The following RABEP2 variants were observed in gnomAD, a reference collection of about 807,000 sequenced individuals.
The protein encoded by RABEP2 is rabaptin, RAB GTPase binding effector protein 2, also known as rab GTPase-binding effector protein 2.
RABEP2 carries 57 observed loss-of-function variants against 74.1 expected under a neutral mutation model. The ratio of observed to expected loss-of-function variants is 0.77; its 90% CI spans 0.62 to 0.96. The LOEUF (loss-of-function observed/expected upper bound fraction) is 0.96, where lower values mean the gene tolerates loss of function less well. Ranked by LOEUF, RABEP2 falls within the 40% of genes least tolerant of loss-of-function variation. RABEP2 has a pLI of 0.00. For synonymous variants in RABEP2, 351 were observed against 344.0 expected (o/e 1.02, Z -0.23); for missense variants, 692 against 756.3 (o/e 0.91, Z 1.00).
chr16:28,910,945 C>T lies in RABEP2; in HGVS notation c.1032G>A (p.Leu344=), dbSNP rs756012861. The change falls in exon 7 of 13, where the codon CTG becomes CTA. Residue 344 remains leucine, a synonymous_variant. Coordinates refer to ENST00000358201, the MANE Select transcript of RABEP2 (RefSeq NM_024816.3). The part of the protein sequence containing the change: ...LLAQVQNSEQ[L]LRTLQGTVSQ... ...TCACGGTCCCTTGCAGGGTCCGCAG[C>T]AGCTGCTCTGAGTTCTGGACCTGGG... 3 of 1,613,156 alleles carry T rather than the reference C, an allele frequency of 1.9e-6. No homozygotes were observed. Among genetic ancestry groups the T allele is most frequent in the Admixed American group, 1.7e-5 (1 of 59,978 alleles).
At position 28,905,344 on chromosome 16, in the gene RABEP2, G is replaced by C. The variant is rs1193903890; in HGVS notation, c.1608+53C>G. ...GGAACTGTCCTTGCAAGACCCAGGA[G>C]AGGTCACCCGGAGTGGAGCCAGCCA... On this transcript the variant is annotated intron_variant, in intron 12 of 12. Transcript: ENST00000358201. 3.9e-5 allele frequency: 51 copies of C among 1,316,596 alleles called. 1 individual carries two copies. The South Asian group carries it at 6.1e-4, about 16-fold the overall frequency. The allele number at this position is 1,316,596 out of a possible 1,614,324, so 81.6% of individuals were successfully genotyped here.
intron 3 of RABEP2, among the ~76,000 whole-genome samples, chr16:28,918,383 C>T (rs530866679): frequency 1.7e-3 from 255 of 152,194 alleles, no homozygotes; most frequent in Non-Finnish European, 3.1e-3. Context: ...GAGGCGGAGG[C>T]GGGCCGATCA....
intron 1 of RABEP2, 85 bp downstream of exon 1, chr16:28,925,018 T>G: frequency 2.1e-6 from 2 of 955,490 alleles, no homozygotes; most frequent in Non-Finnish European, 2.8e-6. Flanking sequence ...CCATCATCCC[T>G]CTCCACCCCC....
chr16:28,906,009 C>G lies in RABEP2; in HGVS notation c.1423+10G>C, dbSNP rs762922877. 17 of 1,607,688 alleles carry G rather than the reference C, an allele frequency of 1.1e-5. No homozygotes were observed. The African/African-American group carries it at 2.1e-4, about 20-fold the overall frequency. ...GGCCCGGGGCTGGGGGCTTGTGCCC[C>G]TCCCCTCACCTGTCTCCTCCCGCTG... is the stretch of plus-strand genomic sequence containing the variant. On this transcript the variant is annotated intron_variant, in intron 9 of 12. Transcript: ENST00000358201.
At chr16:28,912,538 A>G (rs999497130) in intron 5 of RABEP2, among the ~76,000 whole-genome samples, 1 of 151,394 alleles carries the variant, frequency 6.6e-6, no homozygotes, top group African/African-American at 2.4e-5. Context: ...AACCTCTCGA[A>G]GTAGCCTGGA....
At chr16:28,923,685 C>T (rs919990448) in intron 2 of RABEP2, among the ~76,000 whole-genome samples, 1 of 152,126 alleles carries the variant, frequency 6.6e-6, no homozygotes, top group East Asian at 1.9e-4. Context: ...AAAGGGAAAT[C>T]GCATGTTGGG....
rs767957624 is a variant in RABEP2 at position 28,914,788 on chromosome 16, G to A, written c.433-6C>T. ...TTCTCCGAGTCCTCGTGGGCCTGGA[G>A]GGAGCGGGGTGTGGCAGCAATAGTT... On this transcript the variant is annotated splice_region_variant and splice_polypyrimidine_tract_variant and intron_variant, in intron 3 of 12. Coordinates refer to ENST00000358201, the MANE Select transcript of RABEP2 (RefSeq NM_024816.3). The A allele has an allele frequency of 1.2e-6, 2 of 1,613,536 alleles. No homozygotes were observed. The highest frequency in any genetic ancestry group is 1.1e-5 in the South Asian group (1 of 91,044).
At chr16:28,912,782 G>A (rs957159545) in intron 5 of RABEP2, among the ~76,000 whole-genome samples, 4 of 151,994 alleles carry the variant, frequency 2.6e-5, no homozygotes, top group Non-Finnish European at 4.4e-5. Flanking sequence ...TGCTTCCCAC[G>A]TCTCCTAAGA....
chr16:28,924,739 G>A, intron 1 of RABEP2, 124 bp from the exon 2 acceptor site: 1 of 913,180 alleles, frequency 1.1e-6, no homozygotes, highest in South Asian at 1.4e-5. Context: ...GGCCCGCCCG[G>A]CTCACCTGGC....
chr16:28,912,156 G>GTA (rs1234229239), intron 5 of RABEP2, among the ~76,000 whole-genome samples: 3 of 147,426 alleles, frequency 2.0e-5, no homozygotes, highest in Non-Finnish European at 4.4e-5. Flanking sequence ...TGAGGCAGGA[G>GTA]TATGGCATGA....
rs398029150 is a variant in RABEP2 at position 28,918,061 on chromosome 16, GTTTTTTTTTTTTTT to G, written c.432+1711_432+1724del. On this transcript the variant is annotated intron_variant, in intron 3 of 12. Coordinates refer to ENST00000358201, the MANE Select transcript of RABEP2 (RefSeq NM_024816.3). ...TAATAAATATGTGCTTCCTATAATT[GTTTTTTTTTTTTTT>G]TTTTTTTTTTTTTTTGAGACGGAGT... 2.3e-4 allele frequency: 21 copies of G among 93,208 alleles called. 1 individual carries two copies. Among genetic ancestry groups the G allele is most frequent in the South Asian group, 1.1e-3 (2 of 1,896 alleles). The allele number at this position is 93,208 out of a possible 1,614,324, so 5.8% of individuals were successfully genotyped here.
At position 28,906,200 on chromosome 16, in the gene RABEP2, G is replaced by T; in HGVS notation, c.1246-4C>A. 1 of 1,580,124 alleles carries T rather than the reference G, an allele frequency of 6.3e-7. No individual in the cohort carries two copies. On this transcript the variant is annotated splice_region_variant and splice_polypyrimidine_tract_variant and intron_variant, in intron 8 of 12. Coordinates refer to ENST00000358201, the MANE Select transcript of RABEP2 (RefSeq NM_024816.3). ...AGCACAGCAGCTGCTGCAGCTCCTG[G>T]AAGGGACGGAGGAGTCACCTGCTGG...
intron 7 of RABEP2, among the ~76,000 whole-genome samples, chr16:28,909,020 T>C (rs1385001580): frequency 6.6e-6 from 1 of 150,662 alleles, no homozygotes; most frequent in African/African-American, 2.4e-5. Flanking sequence ...TATATATATA[T>C]ATACACATAC....
At chr16:28,906,759 C>T (rs1036811509) in intron 8 of RABEP2, among the ~76,000 whole-genome samples, 1 of 151,684 alleles carries the variant, frequency 6.6e-6, no homozygotes, top group Admixed American at 6.6e-5. Flanking sequence ...AACAAGACTC[C>T]ATCTCAAACA....
chr16:28,911,229 C>T (rs1362886990), intron 5 of RABEP2, 50 bp from the exon 6 acceptor site: 1 of 1,559,604 alleles, frequency 6.4e-7, no homozygotes, highest in Non-Finnish European at 8.7e-7. Context: ...CTTGGCCCCC[C>T]TCACCACACT....
At chr16:28,915,051 C>T (rs145963974) in intron 3 of RABEP2, among the ~76,000 whole-genome samples, 5,451 of 146,262 alleles carry the variant, frequency 0.037, 165 homozygotes, top group Middle Eastern at 0.057. Flanking sequence ...TTTTTTCTTT[C>T]GTCATAGAAC....
intron 3 of RABEP2, among the ~76,000 whole-genome samples, chr16:28,917,548 T>C (rs1437568732): frequency 6.6e-6 from 1 of 152,150 alleles, no homozygotes; most frequent in Non-Finnish European, 1.5e-5. Context: ...GTCTTCCGAG[T>C]AGCTGGGATT....
intron 2 of RABEP2, among the ~76,000 whole-genome samples, chr16:28,923,132 G>T (rs1321107539): frequency 6.6e-6 from 1 of 152,172 alleles, no homozygotes; most frequent in Non-Finnish European, 1.5e-5. Flanking sequence ...ACCTGGCCAG[G>T]CGCGGTGGCT....
At chr16:28,925,033 C>T in intron 1 of RABEP2, 70 bp downstream of exon 1, 8 of 1,480,338 alleles carry the variant, frequency 5.4e-6, no homozygotes, top group Non-Finnish European at 7.3e-6. Context: ...ACCCCCCATC[C>T]GCAGGTGGCT....
Sources: allele counts gnomAD v4.1 joint callset (sites outside exome capture counted in the v4.1 genomes callset), GRCh38; gene constraint gnomAD v4.1.1; transcripts MANE v1.5; gene names NCBI Gene and HGNC (gene_info 2026-07-23, HGNC 2026-07-21).